TECPR1: variants seen among roughly 807,000 people sequenced by gnomAD.
TECPR1 encodes the protein tectonin beta-propeller repeat containing 1.
Under a neutral mutation model 162.4 loss-of-function variants are expected in TECPR1, and 122 were observed. That is an observed-to-expected ratio of 0.75 (90% CI 0.65 to 0.87). TECPR1 has a LOEUF of 0.87. Among genes scored for constraint, TECPR1 ranks in the 40% least tolerant of loss-of-function variants. TECPR1 has a pLI of 0.00. For missense variants in TECPR1, 1,432 were observed against 1,618.2 expected (o/e 0.88, Z 1.97); for synonymous variants, 642 against 670.6 (o/e 0.96, Z 0.66).
At chr7:98,245,858 A>C in intron 3 of TECPR1, 64 bp downstream of exon 3, 1 of 1,438,982 alleles carries the variant, frequency 6.9e-7, no homozygotes, top group Non-Finnish European at 9.5e-7. Context: ...TCTGTGGTTC[A>C]TCATTTTAAC....
Position 98,223,124 on chromosome 7 carries a change from T to TG in TECPR1, c.2793dup (p.Ile932HisfsTer92), listed in dbSNP as rs1275378809. On this transcript the variant is annotated frameshift_variant, in exon 21 of 26. Coordinates refer to ENST00000447648, the MANE Select transcript of TECPR1 (RefSeq NM_015395.3). LOFTEE classifies it high-confidence loss of function. ...ATGATGGACACGTCCCTGAGGGCGA[T>TG]GGGGGGCACCTCCAGCCAGGGCCCA... 5 of 1,604,994 alleles carry TG rather than the reference T, an allele frequency of 3.1e-6. No individual in the cohort carries two copies. The highest frequency in any genetic ancestry group is 1.1e-5 in the South Asian group (1 of 89,492).
chr7:98,235,137 C>T (rs1798560032), intron 10 of TECPR1, among the ~76,000 whole-genome samples: 1 of 152,188 alleles, frequency 6.6e-6, no homozygotes, highest in African/African-American at 2.4e-5. Context: ...GGTGTCATAT[C>T]TAAGAAGCTA....
rs1201151084 is a variant in TECPR1, at chr7:98,231,369, A to G, written c.1979T>C (p.Ile660Thr). ...CACCACCTCATTCAGGAATATGTGG[A>G]TGTACTGTTCACAGAACAGGCGCCC... The part of the protein sequence containing the change: ...YYVVHEEKKY[I>T]HIFLNEVVAL... The change falls in exon 14 of 26, where the codon ATC becomes ACC. Residue 660 changes from isoleucine (I) to threonine (T), a missense_variant. Physicochemically the swap from Ile to Thr is moderately conservative, Grantham distance 89. Transcript: ENST00000447648. 6.2e-7 allele frequency: 1 copy of G among 1,600,466 alleles called. No individual in the cohort carries two copies. The highest frequency in any genetic ancestry group is 8.5e-7 in the Non-Finnish European group (1 of 1,173,778).
Position 98,244,669 on chromosome 7 carries a change from G to C in TECPR1, c.433C>G (p.Pro145Ala). ...KGGWTYAIDF[P>A]ATYTKDKKWN... Reference sequence around the variant, plus strand: ...TTCTTGTCTTTCGTGTAGGTGGCGGGAAAGTCGATGGCGTACGTCCACCCC... The same window carrying C: ...TTCTTGTCTTTCGTGTAGGTGGCGGCAAAGTCGATGGCGTACGTCCACCCC... Residue 145 changes from proline (P) to alanine (A), a missense_variant, in exon 5 of 26, where the codon CCC becomes GCC. Pro to Ala is a conservative substitution (Grantham distance 27, BLOSUM62 -1). Transcript: ENST00000447648. 1 of 1,612,510 alleles carries C rather than the reference G, an allele frequency of 6.2e-7. No individual in the cohort carries two copies. The highest frequency in any genetic ancestry group is 2.2e-5 in the East Asian group (1 of 44,850).
chr7:98,222,450 C>T lies in TECPR1; in HGVS notation c.3000G>A (p.Val1000=). 2 of 1,595,738 alleles carry T rather than the reference C, an allele frequency of 1.3e-6. No homozygotes were observed. Among genetic ancestry groups the T allele is most frequent in the Non-Finnish European group, 1.7e-6 (2 of 1,172,192 alleles). ...ASISIGACYQ[V]WAVARDGSAF... ...CGGAGCCGTCCCTTGCCACGGCCCA[C>T]ACCTGGTAGCAGGCCCCGATGGAGA... The change falls in exon 22 of 26, where the codon GTG becomes GTA. Residue 1000 remains valine, a synonymous_variant. Transcript: ENST00000447648.
At chr7:98,224,909 A>AC (rs1196090608) in intron 18 of TECPR1, 29 bp from the exon 19 acceptor site, 54 of 1,553,234 alleles carry the variant, frequency 3.5e-5, no homozygotes, top group Non-Finnish European at 4.4e-5. Context: ...TGAGGATGGG[A>AC]CCCCCCGAAT....
intron 21 of TECPR1, 87 bp from the exon 22 acceptor site, chr7:98,222,608 G>A (rs752502895): frequency 8.0e-5 from 117 of 1,470,860 alleles, no homozygotes; most frequent in Non-Finnish European, 9.8e-5. Flanking sequence ...TGGGCCTAGC[G>A]CGTGGGCAGC....
chr7:98,231,964 G>A lies in TECPR1; in HGVS notation c.1819-5C>T, dbSNP rs768082419. 1.6e-5 allele frequency: 25 copies of A among 1,595,870 alleles called. No individual in the cohort carries two copies. Among genetic ancestry groups the A allele is most frequent in the Middle Eastern group, 1.7e-4 (1 of 6,012 alleles). The stretch of plus-strand genomic sequence containing the variant: ...CCCGGTCTTCACCCACACCGACTGC[G>A]CAGGCCGGGGCAGTGGACACCATCA... On this transcript the variant is annotated splice_polypyrimidine_tract_variant and splice_region_variant and intron_variant, in intron 12 of 25. Transcript: ENST00000447648.
At chr7:98,226,444 A>G in intron 17 of TECPR1, 1 of 1,002,734 alleles carries the variant, frequency 1.0e-6, no homozygotes, top group East Asian at 1.1e-4. Context: ...CACTCTGGGT[A>G]CAGAACGGTG....
intron 23 of TECPR1, 65 bp from the exon 24 acceptor site, chr7:98,218,107 C>A: frequency 3.6e-6 from 5 of 1,377,472 alleles, no homozygotes; most frequent in East Asian, 2.5e-5. Flanking sequence ...CCGTGCGGCC[C>A]GGCAGCCGGT....
In TECPR1 at chr7:98,221,647, A is replaced by G; in HGVS notation, c.3157+14T>C. On this transcript the variant is annotated intron_variant, in intron 23 of 25. Coordinates refer to ENST00000447648, the MANE Select transcript of TECPR1 (RefSeq NM_015395.3). Reference sequence around the variant, plus strand: ...CAGCCAAAACATTAAAAATTTAAAAAAAGAGCAACTTGCCATTCTCATCCA... The same window carrying G: ...CAGCCAAAACATTAAAAATTTAAAAGAAGAGCAACTTGCCATTCTCATCCA... The G allele has an allele frequency of 6.2e-7, 1 of 1,612,160 alleles. No homozygotes were observed. Among genetic ancestry groups the G allele is most frequent in the Non-Finnish European group, 8.5e-7 (1 of 1,179,182 alleles).
chr7:98,218,154 A>G, intron 23 of TECPR1, 112 bp from the exon 24 acceptor site: 3 of 831,794 alleles, frequency 3.6e-6, no homozygotes, highest in Non-Finnish European at 5.7e-6. Flanking sequence ...GGGTTTGGGA[A>G]GCTGCTGGGG....
At chr7:98,238,369 C>T (rs558891465) in intron 9 of TECPR1, 140 bp downstream of exon 9, 3 of 717,302 alleles carry the variant, frequency 4.2e-6, no homozygotes, top group African/African-American at 3.5e-5. Context: ...AGCCTGGCAC[C>T]TCAGAAAGAA....
At position 98,241,349 on chromosome 7, in the gene TECPR1, C is replaced by A; in HGVS notation, c.658-105G>T. 1 of 1,387,550 alleles carries A rather than the reference C, an allele frequency of 7.2e-7. No individual in the cohort carries two copies. Among genetic ancestry groups the A allele is most frequent in the Non-Finnish European group, 9.9e-7 (1 of 1,005,948 alleles). The allele number at this position is 1,387,550 out of a possible 1,614,324, so 86.0% of individuals were successfully genotyped here. A position where few individuals can be genotyped will look rare whatever the true frequency, so the allele number is the denominator to read the frequency against. ...GGTAGGACCCATGTCCCCTGACCGT[C>A]CAGATCTCACTCCCTGCCCCCTACC... On this transcript the variant is annotated intron_variant, in intron 6 of 25. Transcript: ENST00000447648. This position sits in a 1 kb window ranked among gnomAD's most constrained non-coding sequence, Gnocchi z 5.0.
intron 19 of TECPR1, 86 bp from the exon 20 acceptor site, chr7:98,223,804 C>T (rs1346947487): frequency 1.9e-5 from 28 of 1,437,156 alleles, no homozygotes; most frequent in South Asian, 1.1e-4. Flanking sequence ...TTGTTCTACC[C>T]GTTACAGGGC....
In TECPR1 at chr7:98,217,910, G is replaced by A. The variant is rs1798054774; in HGVS notation, c.3264+26C>T. 2.6e-6 allele frequency: 4 copies of A among 1,548,978 alleles called. No individual in the cohort carries two copies. Among genetic ancestry groups the A allele is most frequent in the Middle Eastern group, 1.7e-4 (1 of 5,982 alleles). On this transcript the variant is annotated intron_variant, in intron 24 of 25. Coordinates refer to ENST00000447648, the MANE Select transcript of TECPR1 (RefSeq NM_015395.3). ...GAGAGGGAACCAGAGCACCCCAAGTGCCCGATACCCCCTGAGCACCCCCAC... is the reference window on the plus strand; with the variant it reads ...GAGAGGGAACCAGAGCACCCCAAGTACCCGATACCCCCTGAGCACCCCCAC...
chr7:98,246,233 C>A, intron 2 of TECPR1, 68 bp from the exon 3 acceptor site: 1 of 957,236 alleles, frequency 1.0e-6, no homozygotes, highest in Non-Finnish European at 1.5e-6. Context: ...CATGTGAAAC[C>A]TGGGAGACTT....
rs950969714 is a variant in TECPR1 at position 98,234,014 on chromosome 7, T to C, written c.1182-103A>G. 9 of 1,409,758 alleles carry C rather than the reference T, an allele frequency of 6.4e-6. No individual in the cohort carries two copies. In the Admixed American group the frequency reaches 1.4e-4, roughly 22 times the overall value. 87.3% of individuals were successfully genotyped at this position (1,409,758 alleles called of 1,614,324 possible). On this transcript the variant is annotated intron_variant, in intron 10 of 25. Coordinates refer to ENST00000447648, the MANE Select transcript of TECPR1 (RefSeq NM_015395.3). The stretch of plus-strand genomic sequence containing the variant: ...CTCCACCATGACTGCCTGTGGAAAC[T>C]TGGGCAAGTCAGAACCTCTCTGAAC...
chr7:98,221,974 A>G (rs937630567), intron 22 of TECPR1, among the ~76,000 whole-genome samples: 1 of 152,140 alleles, frequency 6.6e-6, no homozygotes, highest in Non-Finnish European at 1.5e-5. Flanking sequence ...AGCGCAACAC[A>G]AAGGCTTCCT....
Sources: gnomAD v4.1 joint callset for allele counts (sites outside exome capture counted in the v4.1 genomes callset) on GRCh38, gnomAD v4.1.1 for gene constraint, Gnocchi (gnomAD v3.1) non-coding constraint, MANE v1.5 for transcripts, NCBI Gene and HGNC (gene_info 2026-07-23, HGNC 2026-07-21) for gene names.